Variants in CORO1C observed in about 807,000 individuals in gnomAD.
CORO1C encodes coronin 1C.
Under a neutral mutation model 51.2 loss-of-function variants are expected in CORO1C, and 14 were observed. The ratio of observed to expected loss-of-function variants is 0.27; its 90% CI spans 0.18 to 0.43. The LOEUF (loss-of-function observed/expected upper bound fraction) is 0.43, where lower values mean the gene tolerates loss of function less well. Among genes scored for constraint, CORO1C ranks in the 20% least tolerant of loss-of-function variants. The pLI is 1.00. For missense variants in CORO1C, 417 were observed against 607.8 expected, an observed-to-expected ratio of 0.69 and a Z score of 3.30; for synonymous variants, 181 against 210.5, an observed-to-expected ratio of 0.86 and a Z score of 1.21.
intron 1 of CORO1C, chr12:108,703,070 G>T: frequency 1.0e-6 from 1 of 966,302 alleles, no homozygotes; most frequent in Non-Finnish European, 1.5e-6. Context: ...GTGGTGAAAA[G>T]CAAAAGGAAA....
chr12:108,668,370 G>A (rs577168509), intron 3 of CORO1C: 3 of 152,212 alleles, frequency 2.0e-5, no homozygotes, highest in African/African-American at 4.8e-5. Context: ...GAATTAAGAC[G>A]AAGCCCTCCC....
At chr12:108,707,942 C>A (rs960021737) in intron 1 of CORO1C, among the ~76,000 whole-genome samples, 17 of 152,134 alleles carry the variant, frequency 1.1e-4, no homozygotes, top group African/African-American at 4.1e-4. Flanking sequence ...CTATTCCATA[C>A]CCACTAGGAT....
chr12:108,683,235 T>C (rs1446132469), intron 2 of CORO1C, among the ~76,000 whole-genome samples: 2 of 152,066 alleles, frequency 1.3e-5, no homozygotes, highest in African/African-American at 4.8e-5. Flanking sequence ...CTGGCCAACA[T>C]AGTGAAACCC....
rs775764847 is a variant in CORO1C, at chr12:108,701,311, C to T, written c.8G>A (p.Arg3Gln). The T allele has an allele frequency of 6.2e-7, 1 of 1,614,140 alleles. No homozygotes were observed. The highest frequency in any genetic ancestry group is 8.5e-7 in the Non-Finnish European group (1 of 1,180,016). ...CCGAAACTTGCTCTGTCGTACCACT[C>T]GCCTCATCGTGTCTGCAAAGGAAGA... Reference protein sequence around the residue: MRRVVRQSKFRHV... With the variant: MRQVVRQSKFRHV... The change falls in exon 2 of 11, where the codon CGA becomes CAA. Residue 3 changes from arginine (R) to glutamine (Q), a missense_variant. Arg to Gln is a conservative substitution (Grantham distance 43, BLOSUM62 1). Coordinates refer to ENST00000261401, the MANE Select transcript of CORO1C (RefSeq NM_014325.4).
At position 108,664,947 on chromosome 12, in the gene CORO1C, T is replaced by A. The variant is rs780026837; in HGVS notation, c.319-2789A>T. 7.3e-4 allele frequency among the ~76,000 whole-genome samples: 111 copies of A among 152,220 alleles called. 2 individuals carry two copies. Among genetic ancestry groups the A allele is most frequent in the Admixed American group, 1.6e-3 (24 of 15,286 alleles). ...AGGAAAAGCATTTTGCAAGATGCACTGTGACCCCACTTAGAACTGACAGAG... is the reference window on the plus strand; with the variant it reads ...AGGAAAAGCATTTTGCAAGATGCACAGTGACCCCACTTAGAACTGACAGAG... On this transcript the variant is annotated intron_variant, in intron 3 of 10. Coordinates refer to ENST00000261401, the MANE Select transcript of CORO1C (RefSeq NM_014325.4).
At chr12:108,726,891 A>G (rs1346738010) in intron 1 of CORO1C, among the ~76,000 whole-genome samples, 1 of 152,168 alleles carries the variant, frequency 6.6e-6, no homozygotes, top group Non-Finnish European at 1.5e-5. Context: ...ATGTTCTGCC[A>G]TTGGGGAAAT....
intron 2 of CORO1C, among the ~76,000 whole-genome samples, chr12:108,700,633 T>C (rs1481037070): frequency 5.9e-5 from 9 of 152,084 alleles, no homozygotes; most frequent in Non-Finnish European, 1.3e-4. Context: ...TCTTGAGTTC[T>C]TGTTCCATTT....
intron 2 of CORO1C, among the ~76,000 whole-genome samples, chr12:108,697,704 T>C (rs1403805136): frequency 2.6e-5 from 4 of 152,186 alleles, no homozygotes; most frequent in African/African-American, 9.7e-5. Flanking sequence ...GCTGTACTTC[T>C]AATGAGGAGA....
At chr12:108,721,266 T>C (rs758021073) in intron 1 of CORO1C, among the ~76,000 whole-genome samples, 4 of 152,216 alleles carry the variant, frequency 2.6e-5, no homozygotes, top group Non-Finnish European at 5.9e-5. Flanking sequence ...ATCATCACTT[T>C]CCATAATCAG....
chr12:108,695,863 A>AC (rs2034659527), intron 2 of CORO1C, among the ~76,000 whole-genome samples: 3 of 151,608 alleles, frequency 2.0e-5, no homozygotes, highest in Admixed American at 6.6e-5. Context: ...AAAAAAAAAA[A>AC]AAAAAAAAAA....
intron 3 of CORO1C, among the ~76,000 whole-genome samples, chr12:108,675,524 G>A (rs1184780695): frequency 6.6e-6 from 1 of 152,128 alleles, no homozygotes; most frequent in Non-Finnish European, 1.5e-5. Context: ...CACCTTCTGA[G>A]GATGACAGAG....
At chr12:108,697,966 A>G (rs2034742406) in intron 2 of CORO1C, among the ~76,000 whole-genome samples, 1 of 152,234 alleles carries the variant, frequency 6.6e-6, no homozygotes, top group Non-Finnish European at 1.5e-5. Context: ...CCATAGAGAA[A>G]TGTAGGTTTT....
intron 3 of CORO1C, among the ~76,000 whole-genome samples, chr12:108,669,385 T>G (rs1334702100): frequency 6.6e-6 from 1 of 152,162 alleles, no homozygotes; most frequent in Non-Finnish European, 1.5e-5. Context: ...CCACTATAGG[T>G]ATCCATCAAA....
chr12:108,727,954 T>A (rs1416823525), intron 1 of CORO1C, among the ~76,000 whole-genome samples: 2 of 152,198 alleles, frequency 1.3e-5, no homozygotes, highest in African/African-American at 4.8e-5. Context: ...CTCCAAAGAT[T>A]ACACATACAA....
At chr12:108,672,899 C>T (rs780009474) in intron 3 of CORO1C, among the ~76,000 whole-genome samples, 3 of 152,136 alleles carry the variant, frequency 2.0e-5, no homozygotes, top group Non-Finnish European at 4.4e-5. Context: ...CATCGATAAA[C>T]GCTGTGTGTT....
chr12:108,655,708 G>C (rs963070340), intron 6 of CORO1C, among the ~76,000 whole-genome samples: 1 of 152,246 alleles, frequency 6.6e-6, no homozygotes, highest in Non-Finnish European at 1.5e-5. Flanking sequence ...CTGGAGTGCA[G>C]TGGTGTGATC....
At chr12:108,696,588 A>C (rs1464083753) in intron 2 of CORO1C, among the ~76,000 whole-genome samples, 1 of 152,142 alleles carries the variant, frequency 6.6e-6, no homozygotes, top group East Asian at 1.9e-4. Context: ...AGGGCTGAAA[A>C]CCTGTGTGCT....
intron 2 of CORO1C, among the ~76,000 whole-genome samples, chr12:108,700,713 G>A (rs2034839854): frequency 6.6e-6 from 1 of 151,610 alleles, no homozygotes; most frequent in African/African-American, 2.4e-5. Flanking sequence ...CAAAAAAAGA[G>A]AATATTATCT....
chr12:108,711,651 G>A (rs1435975253), intron 1 of CORO1C, among the ~76,000 whole-genome samples: 1 of 148,892 alleles, frequency 6.7e-6, no homozygotes, highest in Non-Finnish European at 1.5e-5. Flanking sequence ...CTGCACTCCA[G>A]CTTGAGTGAC....
Sources: allele counts gnomAD v4.1 joint callset (sites outside exome capture counted in the v4.1 genomes callset), GRCh38; gene constraint gnomAD v4.1.1; transcripts MANE v1.5; gene names NCBI Gene and HGNC (gene_info 2026-07-23, HGNC 2026-07-21).